FBXO4: variants seen among roughly 807,000 people sequenced by gnomAD.
The protein encoded by FBXO4 is F-box protein 4.
FBXO4 carries 36 observed loss-of-function variants against 43.7 expected under a neutral mutation model. The observed-to-expected ratio is 0.82, with a 90% CI of 0.63 to 1.09. The LOEUF (loss-of-function observed/expected upper bound fraction) is 1.09. Among genes scored for constraint, FBXO4 ranks in the 50% least tolerant of loss-of-function variants. The pLI is 0.00. For synonymous variants in FBXO4, 180 were observed against 165.6 expected, an observed-to-expected ratio of 1.09 and a Z score of -0.67; for missense variants, 435 against 474.1, an observed-to-expected ratio of 0.92 and a Z score of 0.77.
the FBXO4 span, among the ~76,000 whole-genome samples, chr5:42,034,944 T>C: frequency 6.6e-6 from 1 of 152,164 alleles, no homozygotes; most frequent in African/African-American, 2.4e-5. Context: ...AATCTATAAA[T>C]TACTTTGGGC....
chr5:42,029,552 C>A, the FBXO4 span, among the ~76,000 whole-genome samples: 61 of 152,002 alleles, frequency 4.0e-4, no homozygotes, highest in African/African-American at 1.4e-3. Flanking sequence ...CTTTTCCTAC[C>A]ATGTACTTGG....
At chr5:41,992,798 C>A in the FBXO4 span, among the ~76,000 whole-genome samples, 4 of 152,152 alleles carry the variant, frequency 2.6e-5, no homozygotes, top group Non-Finnish European at 2.9e-5. Flanking sequence ...AGAATAAAAA[C>A]AAATTTTGAG....
the FBXO4 span, among the ~76,000 whole-genome samples, chr5:42,029,515 C>A: frequency 6.6e-6 from 1 of 151,986 alleles, no homozygotes. Context: ...GTTATTATCC[C>A]TTTAAATACA....
rs1227199901 is a variant in FBXO4, at chr5:41,937,318, G to A, written c.899-2123G>A. 4.6e-5 allele frequency among the ~76,000 whole-genome samples: 7 copies of A among 151,984 alleles called. No homozygotes were observed. In the East Asian group the frequency reaches 9.6e-4, roughly 21 times the overall value. On this transcript the variant is annotated intron_variant, in intron 5 of 6. Transcript: ENST00000281623. ...ACATACAGGCCAAGATAATAGTGAC[G>A]GCAAATTTCCTGTCAGAATTGCTGC... is the stretch of plus-strand genomic sequence containing the variant.
chr5:42,038,017 G>A, the FBXO4 span, among the ~76,000 whole-genome samples: 495 of 152,196 alleles, frequency 3.3e-3, 4 homozygotes, highest in African/African-American at 0.011. Context: ...AGAAGCATGG[G>A]CAACCCTTTC....
the FBXO4 span, among the ~76,000 whole-genome samples, chr5:41,958,974 A>G: frequency 1.3e-5 from 2 of 152,214 alleles, no homozygotes; most frequent in Non-Finnish European, 2.9e-5. Context: ...GAAACGCCAT[A>G]CTGGTTTTCA....
the FBXO4 span, among the ~76,000 whole-genome samples, chr5:42,023,263 A>G: frequency 1.1e-4 from 16 of 152,220 alleles, no homozygotes; most frequent in African/African-American, 3.4e-4. Flanking sequence ...TACATCTCTA[A>G]CGTATTGCTT....
chr5:41,994,164 G>C, the FBXO4 span, among the ~76,000 whole-genome samples: 4 of 151,986 alleles, frequency 2.6e-5, no homozygotes, highest in East Asian at 7.7e-4. Context: ...ACTATCCTTC[G>C]TACAACCAGA....
At chr5:41,981,764 T>C in the FBXO4 span, among the ~76,000 whole-genome samples, 1 of 151,800 alleles carries the variant, frequency 6.6e-6, no homozygotes, top group African/African-American at 2.4e-5. Flanking sequence ...ATATTTTTAT[T>C]GTACTTCAAG....
the FBXO4 span, among the ~76,000 whole-genome samples, chr5:41,947,916 C>T: frequency 2.6e-5 from 4 of 151,994 alleles, no homozygotes; most frequent in African/African-American, 7.3e-5. Flanking sequence ...TCACCCAAGA[C>T]GGTGATGGGG....
the FBXO4 span, among the ~76,000 whole-genome samples, chr5:41,978,855 A>G: frequency 1.3e-5 from 2 of 152,214 alleles, no homozygotes; most frequent in Non-Finnish European, 2.9e-5. Context: ...TCATTCCATC[A>G]TACATCATGC....
At chr5:41,965,826 G>A in the FBXO4 span, among the ~76,000 whole-genome samples, 4 of 152,156 alleles carry the variant, frequency 2.6e-5, no homozygotes, top group African/African-American at 9.7e-5. Context: ...TATAAATCGT[G>A]CTGCTATAAA....
chr5:42,014,072 G>A, the FBXO4 span, among the ~76,000 whole-genome samples: 212 of 152,246 alleles, frequency 1.4e-3, 1 homozygote, highest in Admixed American at 0.013. Context: ...AAAGACAGAC[G>A]CTTGACTTGC....
chr5:42,012,868 G>A, the FBXO4 span, among the ~76,000 whole-genome samples: 1 of 152,170 alleles, frequency 6.6e-6, no homozygotes, highest in Non-Finnish European at 1.5e-5. Context: ...TTACAATGAT[G>A]CCTGTTACAA....
the FBXO4 span, among the ~76,000 whole-genome samples, chr5:41,959,453 C>T: frequency 6.6e-6 from 1 of 152,012 alleles, no homozygotes; most frequent in Non-Finnish European, 1.5e-5. Flanking sequence ...TTTAAAAAGT[C>T]CTTGCCTAGA....
chr5:41,994,156 T>C, the FBXO4 span, among the ~76,000 whole-genome samples: 1 of 152,158 alleles, frequency 6.6e-6, no homozygotes, highest in Non-Finnish European at 1.5e-5. Flanking sequence ...ATAATACAAC[T>C]ATCCTTCGTA....
chr5:41,962,458 C>A, the FBXO4 span, among the ~76,000 whole-genome samples: 5 of 152,126 alleles, frequency 3.3e-5, no homozygotes, highest in Non-Finnish European at 4.4e-5. Context: ...CTCCAGCAAT[C>A]CCCCTACACT....
At chr5:42,034,150 C>T in the FBXO4 span, among the ~76,000 whole-genome samples, 1 of 152,054 alleles carries the variant, frequency 6.6e-6, no homozygotes, top group African/African-American at 2.4e-5. Flanking sequence ...TTGTTGGCTG[C>T]ATAAATGTCT....
the FBXO4 span, among the ~76,000 whole-genome samples, chr5:41,971,789 G>T: frequency 2.6e-5 from 4 of 151,960 alleles, 1 homozygote; most frequent in South Asian, 6.2e-4. Context: ...AAATTACAAA[G>T]AATTTATGTG....
Sources: gnomAD v4.1 joint callset for allele counts (sites outside exome capture counted in the v4.1 genomes callset) on GRCh38, gnomAD v4.1.1 for gene constraint, MANE v1.5 for transcripts, NCBI Gene and HGNC (gene_info 2026-07-23, HGNC 2026-07-21) for gene names.